The following EXOC4 variants were observed in gnomAD, a reference collection of about 807,000 sequenced individuals.
EXOC4 encodes SEC8-like 1.
A neutral mutation model predicts 107.2 loss-of-function variants in EXOC4; 71 were observed. The observed-to-expected ratio is 0.66, with a 90% CI of 0.55 to 0.81. The LOEUF is 0.81. Among genes scored for constraint, EXOC4 ranks in the 30% least tolerant of loss-of-function variants. The probability of loss-of-function intolerance (pLI) is 0.00; values close to 1 mark genes in which losing one functional copy is unlikely to be tolerated. For missense variants in EXOC4, 1,108 were observed against 1,189.6 expected, an observed-to-expected ratio of 0.93 and a Z score of 1.01; for synonymous variants, 456 against 441.2, an observed-to-expected ratio of 1.03 and a Z score of -0.42.
chr7:133,289,107 T>G lies in EXOC4; in HGVS notation c.462T>G (p.Thr154=). The G allele has an allele frequency of 6.2e-7, 1 of 1,613,908 alleles. No homozygotes were observed. The highest frequency in any genetic ancestry group is 8.5e-7 in the Non-Finnish European group (1 of 1,179,852). ...CMASKHYLSA[T]DMLVSAVESL... is the part of the protein sequence containing the mutation. ...CCAGCAAGCACTATCTCAGTGCCAC[T>G]GACATGTTGGTAAGAGAACAGCCTG... Residue 154 remains threonine, a synonymous_variant, in exon 3 of 18, where the codon ACT becomes ACG. Transcript: ENST00000253861.
chr7:134,024,089 C>T (rs1795083002), intron 17 of EXOC4, among the ~76,000 whole-genome samples: 1 of 152,208 alleles, frequency 6.6e-6, no homozygotes, highest in South Asian at 2.1e-4. Flanking sequence ...TCAATTCCCA[C>T]AGTATCAGTA....
At chr7:134,042,945 G>A (rs1000640770) in intron 17 of EXOC4, among the ~76,000 whole-genome samples, 3 of 152,164 alleles carry the variant, frequency 2.0e-5, no homozygotes, top group Non-Finnish European at 4.4e-5. Flanking sequence ...GGGGGCTGAG[G>A]CAGGAGAATT....
chr7:133,479,040 GGT>G (rs1799089763), intron 8 of EXOC4: 1 of 152,114 alleles, frequency 6.6e-6, no homozygotes. Flanking sequence ...AGAAAATGAT[GGT>G]GTGCCTGCCT....
chr7:133,716,479 C>G (rs1795001077), intron 10 of EXOC4, among the ~76,000 whole-genome samples: 2 of 152,232 alleles, frequency 1.3e-5, no homozygotes, highest in African/African-American at 2.4e-5. Flanking sequence ...ATAGTGTATA[C>G]TTATTACATC....
intron 10 of EXOC4, among the ~76,000 whole-genome samples, chr7:133,695,657 G>A (rs1794517689): frequency 6.6e-6 from 1 of 151,946 alleles, no homozygotes; most frequent in African/African-American, 2.4e-5. Context: ...TTAAGTATTG[G>A]GGTAAAACCA....
intron 15 of EXOC4, among the ~76,000 whole-genome samples, chr7:134,002,937 C>G (rs189922143): frequency 6.6e-6 from 1 of 152,122 alleles, no homozygotes; most frequent in Admixed American, 6.5e-5. Context: ...TAAACATACA[C>G]TTACCATAAG....
chr7:133,432,856 T>C (rs906243358), intron 7 of EXOC4, among the ~76,000 whole-genome samples: 1 of 152,192 alleles, frequency 6.6e-6, no homozygotes, highest in Non-Finnish European at 1.5e-5. Flanking sequence ...GCATAAAATA[T>C]TGTCAATGCC....
At chr7:134,048,532 G>C (rs986956808) in intron 17 of EXOC4, among the ~76,000 whole-genome samples, 2 of 152,176 alleles carry the variant, frequency 1.3e-5, no homozygotes, top group African/African-American at 4.8e-5. Flanking sequence ...TGCAAAGGCA[G>C]TTTCAGTCCC....
chr7:133,607,236 G>C (rs918520819), intron 9 of EXOC4, among the ~76,000 whole-genome samples: 4 of 152,276 alleles, frequency 2.6e-5, no homozygotes, highest in Admixed American at 6.5e-5. Context: ...GGTTTGTATA[G>C]TTGAAAGGAG....
chr7:133,869,117 C>A (rs979108999), intron 11 of EXOC4, among the ~76,000 whole-genome samples: 1 of 151,268 alleles, frequency 6.6e-6, no homozygotes, highest in African/African-American at 2.4e-5. Flanking sequence ...GAAAGCCATT[C>A]TAGAGCACTC....
intron 11 of EXOC4, among the ~76,000 whole-genome samples, chr7:133,833,606 A>G (rs2151240409): frequency 6.6e-6 from 1 of 152,286 alleles, no homozygotes; most frequent in East Asian, 1.9e-4. Context: ...TCTGTCACCC[A>G]GGCTGGAGAG....
Position 133,829,935 on chromosome 7 carries a change from G to A in EXOC4, c.1734+12391G>A, listed in dbSNP as rs577064475. Among the ~76,000 whole-genome samples the A allele has an allele frequency of 1.1e-4, 17 of 152,170 alleles. No homozygotes were observed. The South Asian group carries it at 3.5e-3, about 32-fold the overall frequency. On this transcript the variant is annotated intron_variant, in intron 11 of 17. Coordinates refer to ENST00000253861, the MANE Select transcript of EXOC4 (RefSeq NM_021807.4). Reference sequence around the variant, plus strand: ...CAGTCTTTTGAGGAGGAAAAAAAAAGCCATCTAGGCTTCTAGTTTCCCTTT... The same window carrying A: ...CAGTCTTTTGAGGAGGAAAAAAAAAACCATCTAGGCTTCTAGTTTCCCTTT...
chr7:133,521,306 C>A (rs1458617511), intron 9 of EXOC4, among the ~76,000 whole-genome samples: 1 of 152,094 alleles, frequency 6.6e-6, no homozygotes, highest in Non-Finnish European at 1.5e-5. Context: ...AAGTCACTCT[C>A]CCAAAGCACA....
At chr7:133,994,674 T>A (rs977294728) in intron 14 of EXOC4, among the ~76,000 whole-genome samples, 1 of 152,088 alleles carries the variant, frequency 6.6e-6, no homozygotes, top group African/African-American at 2.4e-5. Context: ...TAAAGCCCAA[T>A]ACGCGTGGGC....
intron 9 of EXOC4, among the ~76,000 whole-genome samples, chr7:133,617,319 TTGTAGAC>T (rs1158146120): frequency 2.6e-5 from 4 of 152,148 alleles, no homozygotes. Context: ...GTGAAGTTAT[TTGTAGAC>T]TGTTCCATAA....
chr7:134,039,070 C>T (rs1795455971), intron 17 of EXOC4, among the ~76,000 whole-genome samples: 5 of 152,172 alleles, frequency 3.3e-5, no homozygotes, highest in African/African-American at 1.2e-4. Context: ...GTTCCCCTCT[C>T]CTGCTTCTGT....
chr7:133,341,945 T>C (rs1183275947), intron 5 of EXOC4, among the ~76,000 whole-genome samples: 1 of 152,206 alleles, frequency 6.6e-6, no homozygotes, highest in East Asian at 1.9e-4. Context: ...GGTGAGTCTC[T>C]TGAAGACAGC....
chr7:133,513,899 C>T (rs544836311), intron 9 of EXOC4, among the ~76,000 whole-genome samples: 9 of 152,186 alleles, frequency 5.9e-5, no homozygotes, highest in East Asian at 3.9e-4. Flanking sequence ...TCCAATTTGC[C>T]GGACAGTAAT....
At chr7:133,898,483 C>T (rs1251080189) in intron 12 of EXOC4, among the ~76,000 whole-genome samples, 7 of 152,010 alleles carry the variant, frequency 4.6e-5, no homozygotes, top group African/African-American at 9.7e-5. Context: ...CAGTGGCTCA[C>T]GCCTGTAATC....
Sources: gnomAD v4.1 joint callset for allele counts (sites outside exome capture counted in the v4.1 genomes callset) on GRCh38, gnomAD v4.1.1 for gene constraint, MANE v1.5 for transcripts, NCBI Gene and HGNC (gene_info 2026-07-23, HGNC 2026-07-21) for gene names.